The following GABRA5 variants were observed in gnomAD, a reference collection of about 807,000 sequenced individuals.
GABRA5 encodes the protein gamma-aminobutyric acid type A receptor subunit alpha5.
In GABRA5, 18 loss-of-function variants were observed where a neutral mutation model predicts 47.3. The observed-to-expected ratio is 0.38, with a 90% confidence interval of 0.26 to 0.56. GABRA5 has a LOEUF of 0.56. Ranked by LOEUF, GABRA5 falls within the 20% of genes least tolerant of loss-of-function variation. The pLI is 0.71. For synonymous variants in GABRA5, 237 were observed against 229.3 expected (o/e 1.03, Z -0.30); for missense variants, 365 against 599.3 (o/e 0.61, Z 4.08).
intron 10 of GABRA5, among the ~76,000 whole-genome samples, chr15:26,944,181 G>A (rs923171906): frequency 6.6e-6 from 1 of 152,198 alleles, no homozygotes; most frequent in Non-Finnish European, 1.5e-5. Context: ...AGTCCTGGAA[G>A]GCATTAGAGA....
chr15:26,932,895 A>G (rs1407770289), intron 7 of GABRA5, among the ~76,000 whole-genome samples: 1 of 152,178 alleles, frequency 6.6e-6, no homozygotes, highest in Non-Finnish European at 1.5e-5. Context: ...AGCTAGAACA[A>G]TGAGAACAGA....
intron 10 of GABRA5, 57 bp from the exon 11 acceptor site, chr15:26,947,877 G>T: frequency 6.8e-7 from 1 of 1,462,170 alleles, no homozygotes; most frequent in Non-Finnish European, 9.3e-7. Context: ...GAACTCCAAG[G>T]TGAGCTGACC....
In GABRA5 at chr15:26,947,973, T is replaced by G; in HGVS notation, c.1129T>G (p.Phe377Val). The change falls in exon 11 of 11, where the codon TTT (phenylalanine) becomes GTT (valine). Residue 377 changes from phenylalanine to valine, a missense_variant. Physicochemically the swap from Phe to Val is conservative, Grantham distance 50. Coordinates refer to ENST00000335625, the MANE Select transcript of GABRA5 (RefSeq NM_000810.4). Reference sequence around the variant, plus strand: ...CATACTAAATAAGTCAACAAACGCTTTTACAACTGGGAAGATGTCTCACCC... The same window carrying G: ...CATACTAAATAAGTCAACAAACGCTGTTACAACTGGGAAGATGTCTCACCC... ...EVILNKSTNA[F>V]TTGKMSHPPN... The G allele has an allele frequency of 6.3e-7, 1 of 1,592,244 alleles. No homozygotes were observed. Among genetic ancestry groups the G allele is most frequent in the Non-Finnish European group, 8.6e-7 (1 of 1,168,674 alleles).
intron 7 of GABRA5, among the ~76,000 whole-genome samples, chr15:26,936,343 T>C (rs1425670839): frequency 6.6e-6 from 1 of 152,196 alleles, no homozygotes; most frequent in Admixed American, 6.5e-5. Context: ...GATTAATATA[T>C]TCCAGCCTAG....
At chr15:26,908,429 G>T (rs1444370606) in intron 6 of GABRA5, among the ~76,000 whole-genome samples, 1 of 152,180 alleles carries the variant, frequency 6.6e-6, no homozygotes, top group Non-Finnish European at 1.5e-5. Flanking sequence ...AGGCACCAGA[G>T]TCAGGCTGCA....
At chr15:26,878,633 C>G (rs1263628766) in intron 3 of GABRA5, among the ~76,000 whole-genome samples, 1 of 152,166 alleles carries the variant, frequency 6.6e-6, no homozygotes, top group Non-Finnish European at 1.5e-5. Flanking sequence ...CTGCAAATCC[C>G]CAGCCATGGC....
At chr15:26,877,125 C>CG (rs561493462) in intron 3 of GABRA5, among the ~76,000 whole-genome samples, 121 of 152,276 alleles carry the variant, frequency 7.9e-4, no homozygotes, top group African/African-American at 2.8e-3. Context: ...GCAGGAATAT[C>CG]GGAGAGTTCT....
chr15:26,868,331 C>T (rs1000498550), intron 1 of GABRA5, among the ~76,000 whole-genome samples: 1 of 151,778 alleles, frequency 6.6e-6, no homozygotes, highest in African/African-American at 2.4e-5. Context: ...CCTTCGCTTC[C>T]GAGGTGGAAG....
At chr15:26,929,703 G>T (rs1894045423) in intron 7 of GABRA5, among the ~76,000 whole-genome samples, 1 of 152,348 alleles carries the variant, frequency 6.6e-6, no homozygotes, top group East Asian at 1.9e-4. Flanking sequence ...TGAGGAGTGT[G>T]GTGCTGGAGA....
chr15:26,926,203 T>C (rs1893958782), intron 7 of GABRA5, among the ~76,000 whole-genome samples: 1 of 152,102 alleles, frequency 6.6e-6, no homozygotes, highest in African/African-American at 2.4e-5. Context: ...CCATTTCTGC[T>C]TGTCTTTGAG....
At chr15:26,898,036 G>A (rs1893240790) in intron 6 of GABRA5, among the ~76,000 whole-genome samples, 1 of 152,088 alleles carries the variant, frequency 6.6e-6, no homozygotes, top group South Asian at 2.1e-4. Context: ...ATATTTGCCT[G>A]GCCACTTAGG....
In GABRA5 at chr15:26,867,911, G is replaced by T. The variant is rs1000933482; in HGVS notation, c.-140+800G>T. ...AAGGCGCTGCCTGGCGGAGCGCTTG[G>T]CTCGTACCCGGGGCAGGAGCAGGGG... On this transcript the variant is annotated intron_variant, in intron 1 of 10. Transcript: ENST00000335625. The surrounding 1 kb of genome is among the most constrained non-coding windows in gnomAD (Gnocchi z 5.9). The T allele has an allele frequency of 6.6e-6, 1 of 152,086 alleles. No individual in the cohort carries two copies. Among genetic ancestry groups the T allele is most frequent in the African/African-American group, 2.4e-5 (1 of 41,420 alleles). The allele number at this position is 152,086 out of a possible 1,614,324, so 9.4% of individuals were successfully genotyped here. A position where few individuals can be genotyped will look rare whatever the true frequency, so the allele number is the denominator to read the frequency against.
chr15:26,936,930 C>G (rs761938033), intron 7 of GABRA5, among the ~76,000 whole-genome samples: 1 of 152,172 alleles, frequency 6.6e-6, no homozygotes, highest in Non-Finnish European at 1.5e-5. Flanking sequence ...CACCATCGTG[C>G]GCTCTGCAGA....
chr15:26,876,412 A>G (rs555577683), intron 3 of GABRA5, among the ~76,000 whole-genome samples: 7 of 152,318 alleles, frequency 4.6e-5, no homozygotes, highest in African/African-American at 1.7e-4. Context: ...TTCTGAGGTC[A>G]GGAAGGTAAG....
Position 26,948,143 on chromosome 15 carries a change from C to T in GABRA5, c.1299C>T (p.Phe433=), listed in dbSNP as rs1394239964. 9.3e-6 allele frequency: 15 copies of T among 1,613,652 alleles called. No individual in the cohort carries two copies. The highest frequency in any genetic ancestry group is 1.3e-5 in the Non-Finnish European group (15 of 1,179,824). ...TTGACAAAATGTCCCGAATCGTATTCCCAGTCTTGTTCGGCACTTTCAACT... is the reference window on the plus strand; with the variant it reads ...TTGACAAAATGTCCCGAATCGTATTTCCAGTCTTGTTCGGCACTTTCAACT... ...SKIDKMSRIV[F]PVLFGTFNLV... The change falls in exon 11 of 11, where the codon TTC becomes TTT. Residue 433 remains phenylalanine, a synonymous_variant. Transcript: ENST00000335625.
At chr15:26,914,285 T>G (rs1893670126) in intron 6 of GABRA5, among the ~76,000 whole-genome samples, 1 of 152,206 alleles carries the variant, frequency 6.6e-6, no homozygotes, top group South Asian at 2.1e-4. Context: ...AATTTGGGCG[T>G]GTAGGAAAAC....
Position 26,879,913 on chromosome 15 carries a change from C to A in GABRA5, c.87-933C>A, listed in dbSNP as rs937002580. Among the ~76,000 whole-genome samples, 3 of 152,160 alleles carry A rather than the reference C, an allele frequency of 2.0e-5. No homozygotes were observed. The East Asian group carries it at 5.8e-4, about 29-fold the overall frequency. ...ACAGCTGGCTTTCAGTTTGGTAAGT[C>A]CCCTTGAAGCCAAATTTGCAGTCAA... On this transcript the variant is annotated intron_variant, in intron 3 of 10. Coordinates refer to ENST00000335625, the MANE Select transcript of GABRA5 (RefSeq NM_000810.4).
intron 3 of GABRA5, among the ~76,000 whole-genome samples, chr15:26,876,916 G>C (rs1402159850): frequency 9.2e-5 from 14 of 152,186 alleles, no homozygotes; most frequent in Non-Finnish European, 4.4e-5. Context: ...ACAGGGCTGA[G>C]TCTAGGAAGG....
intron 3 of GABRA5, among the ~76,000 whole-genome samples, chr15:26,874,099 GAGA>G (rs771882792): frequency 3.9e-5 from 6 of 152,218 alleles, no homozygotes; most frequent in Non-Finnish European, 5.9e-5. Context: ...CCTTCAAGGG[GAGA>G]AGGAGCATGT....
Sources: gnomAD v4.1 joint callset for allele counts (sites outside exome capture counted in the v4.1 genomes callset) on GRCh38, gnomAD v4.1.1 for gene constraint, Gnocchi (gnomAD v3.1) non-coding constraint, MANE v1.5 for transcripts, NCBI Gene and HGNC (gene_info 2026-07-23, HGNC 2026-07-21) for gene names.